SLC45A3: variants seen among roughly 807,000 people sequenced by gnomAD.
SLC45A3 encodes the protein prostate cancer associated protein 2.
In SLC45A3, 17 loss-of-function variants were observed where a neutral mutation model predicts 35.3. That is an observed-to-expected ratio of 0.48 (90% CI 0.33 to 0.72). The LOEUF is 0.72. Among genes scored for constraint, SLC45A3 ranks in the 30% least tolerant of loss-of-function variants. SLC45A3 has a pLI of 0.02. For missense variants in SLC45A3, 597 were observed against 731.7 expected (o/e 0.82, Z 2.12); for synonymous variants, 288 against 334.3 (o/e 0.86, Z 1.51).
chr1:205,675,535 C>T (rs1671296615), intron 1 of SLC45A3, among the ~76,000 whole-genome samples: 1 of 152,084 alleles, frequency 6.6e-6, no homozygotes, highest in Admixed American at 6.6e-5. Flanking sequence ...CTAATCACTC[C>T]CACCCCTCCT....
Position 205,662,122 on chromosome 1 carries a change from A to G in SLC45A3, c.963T>C (p.Val321=), listed in dbSNP as rs142346669. 216 of 1,611,998 alleles carry G rather than the reference A, an allele frequency of 1.3e-4. 1 individual carries two copies. Among genetic ancestry groups the G allele is most frequent in the Non-Finnish European group, 1.7e-4 (196 of 1,178,726 alleles). Residue 321 remains valine, a synonymous_variant, in exon 4 of 5, where the codon GTT becomes GTC. Coordinates refer to ENST00000367145, the MANE Select transcript of SLC45A3 (RefSeq NM_033102.3). This position sits in a 1 kb window ranked among gnomAD's most constrained non-coding sequence, Gnocchi z 6.2. The stretch of plus-strand genomic sequence containing the variant: ...GGAACAGCCCCAGGCTGCCCATCCG[A>G]ACGCCTGCAGAGGGAGAGGGGCCAT... ...TEARRHYDEG[V]RMGSLGLFLQ... is the part of the protein sequence containing the mutation.
At chr1:205,667,728 A>C (rs1671142306) in intron 1 of SLC45A3, among the ~76,000 whole-genome samples, 1 of 151,978 alleles carries the variant, frequency 6.6e-6, no homozygotes, top group Non-Finnish European at 1.5e-5. Context: ...AATAAACCAC[A>C]GCTGTCCAGC....
chr1:205,659,166 G>C lies in SLC45A3; in HGVS notation c.*68C>G. On this transcript the variant is annotated 3_prime_UTR_variant, in exon 5 of 5. Coordinates refer to ENST00000367145, the MANE Select transcript of SLC45A3 (RefSeq NM_033102.3). The surrounding 1 kb of genome is among the most constrained non-coding windows in gnomAD (Gnocchi z 5.8). Reference sequence around the variant, plus strand: ...TGGCGGCCAGCCCGGCAGCCCCATGGGGCTAACAGGAGCGGGGAGCTGGGA... The same window carrying C: ...TGGCGGCCAGCCCGGCAGCCCCATGCGGCTAACAGGAGCGGGGAGCTGGGA... The C allele has an allele frequency of 6.6e-7, 1 of 1,511,220 alleles. No individual in the cohort carries two copies. The allele number at this position is 1,511,220 out of a possible 1,614,324, so 93.6% of individuals were successfully genotyped here. A position where few individuals can be genotyped will look rare whatever the true frequency, so the allele number is the denominator to read the frequency against.
At chr1:205,665,015 C>CA (rs1374503920) in intron 1 of SLC45A3, 129 bp from the exon 2 acceptor site, 2 of 840,124 alleles carry the variant, frequency 2.4e-6, no homozygotes, top group East Asian at 9.6e-5. Context: ...ACCGAGGTGC[C>CA]ACCCCCTTCT....
Position 205,661,853 on chromosome 1 carries a change from A to T in SLC45A3, c.1224+8T>A, listed in dbSNP as rs745948505. ...CCACCCTGACTCCACCCACTGGCCA[A>T]TGAGTACCTGCTTCTCCCGGTGGTA... On this transcript the variant is annotated splice_region_variant and intron_variant, in intron 4 of 4. Transcript: ENST00000367145. 163 of 1,606,296 alleles carry T rather than the reference A, an allele frequency of 1.0e-4. No homozygotes were observed. Among genetic ancestry groups the T allele is most frequent in the Non-Finnish European group, 3.4e-6 (4 of 1,174,196 alleles).
At chr1:205,674,269 T>TAG (rs139963187) in intron 1 of SLC45A3, among the ~76,000 whole-genome samples, 58,453 of 151,200 alleles carry the variant, frequency 0.39, 13,633 homozygotes, top group Non-Finnish European at 0.53. Context: ...GACACTTCTA[T>TAG]AACGAAAGAT....
At chr1:205,668,674 G>C (rs1265017108) in intron 1 of SLC45A3, among the ~76,000 whole-genome samples, 2 of 152,166 alleles carry the variant, frequency 1.3e-5, no homozygotes, top group African/African-American at 4.8e-5. Context: ...CGTTCACCTG[G>C]CAAGGAGTGG....
In SLC45A3 at chr1:205,659,765, C is replaced by T. The variant is rs1670987184; in HGVS notation, c.1225-94G>A. 1.7e-6 allele frequency: 2 copies of T among 1,202,608 alleles called. No homozygotes were observed. The highest frequency in any genetic ancestry group is 2.3e-6 in the Non-Finnish European group (2 of 886,518). 74.5% of individuals were successfully genotyped at this position (1,202,608 alleles called of 1,614,324 possible). A position where few individuals can be genotyped will look rare whatever the true frequency, so the allele number is the denominator to read the frequency against. On this transcript the variant is annotated intron_variant, in intron 4 of 4. Transcript: ENST00000367145. The surrounding 1 kb of genome is among the most constrained non-coding windows in gnomAD (Gnocchi z 5.8). The stretch of plus-strand genomic sequence containing the variant: ...GTGAGAACAGACCCTTGCCTCCATC[C>T]CAGGGGCAATGGGACTTCATGAGAA...
chr1:205,659,209 T>A lies in SLC45A3; in HGVS notation c.*25A>T. The stretch of plus-strand genomic sequence containing the variant: ...AGCTGGGACCCAGTGAGGCAGGCCC[T>A]CCACCCCAATGTGCTGGAAGTTTTC... On this transcript the variant is annotated 3_prime_UTR_variant, in exon 5 of 5. Transcript: ENST00000367145. The surrounding 1 kb of genome is among the most constrained non-coding windows in gnomAD (Gnocchi z 5.8). The A allele has an allele frequency of 1.3e-6, 2 of 1,579,152 alleles. No homozygotes were observed. The highest frequency in any genetic ancestry group is 1.3e-5 in the African/African-American group (1 of 74,520).
At position 205,663,340 on chromosome 1, in the gene SLC45A3, A is replaced by G. The variant is rs766979336; in HGVS notation, c.451T>C (p.Phe151Leu). Reference protein sequence around the residue: ...TPLEALLSDLFRDPDHCRQAY... With the variant: ...TPLEALLSDLLRDPDHCRQAY... ...TGGCGACAGTGGTCCGGGTCCCGGA[A>G]GAGGTCAGAGAGCAGGGCCTCCAGT... The change falls in exon 3 of 5, where the codon TTC becomes CTC. Residue 151 changes from phenylalanine to leucine, a missense_variant. Phe to Leu is a conservative substitution (Grantham distance 22, BLOSUM62 0). Around this residue, in one of 3 missense-constraint regions of SLC45A3, gnomAD observed 555 missense variants for 664.9 expected, o/e 0.83. Transcript: ENST00000367145. 1.7e-5 allele frequency: 28 copies of G among 1,613,274 alleles called. No individual in the cohort carries two copies. In the Admixed American group the frequency reaches 4.7e-4, roughly 27 times the overall value.
rs1196966567 is a variant in SLC45A3 at position 205,664,959 on chromosome 1, AATTGTCTGG to A, written c.-230-82_-230-74del. 5.7e-6 allele frequency: 7 copies of A among 1,220,660 alleles called. No individual in the cohort carries two copies. Among genetic ancestry groups the A allele is most frequent in the Non-Finnish European group, 1.0e-6 (1 of 975,642 alleles). The allele number at this position is 1,220,660 out of a possible 1,614,324, so 75.6% of individuals were successfully genotyped here. On this transcript the variant is annotated intron_variant, in intron 1 of 4. Coordinates refer to ENST00000367145, the MANE Select transcript of SLC45A3 (RefSeq NM_033102.3). This position sits in a 1 kb window ranked among gnomAD's most constrained non-coding sequence, Gnocchi z 5.3. Reference sequence around the variant, plus strand: ...AGCCAGGTCTCCACGATTTGCTCTAAATTGTCTGGATCCTGATCATTCACAGGCTGGCGA... The same window carrying A: ...AGCCAGGTCTCCACGATTTGCTCTAAATCCTGATCATTCACAGGCTGGCGA...
Position 205,669,121 on chromosome 1 carries a change from A to G in SLC45A3, c.-230-4235T>C, listed in dbSNP as rs1671164606. Among the ~76,000 whole-genome samples, 1 of 152,164 alleles carries G rather than the reference A, an allele frequency of 6.6e-6. No homozygotes were observed. The highest frequency in any genetic ancestry group is 1.5e-5 in the Non-Finnish European group (1 of 68,024). On this transcript the variant is annotated intron_variant, in intron 1 of 4. Transcript: ENST00000367145. This position sits in a 1 kb window ranked among gnomAD's most constrained non-coding sequence, Gnocchi z 4.1. Reference sequence around the variant, plus strand: ...CAGTAGAAGCAAGGGTGAGGGCTTAAGTCCTCCTCCTCCCACGTGCTCGCC... The same window carrying G: ...CAGTAGAAGCAAGGGTGAGGGCTTAGGTCCTCCTCCTCCCACGTGCTCGCC...
At chr1:205,671,581 G>A (rs779189544) in intron 1 of SLC45A3, among the ~76,000 whole-genome samples, 19 of 152,170 alleles carry the variant, frequency 1.2e-4, no homozygotes, top group South Asian at 4.1e-4. Context: ...ACAGCAGGCC[G>A]GGCACGGTGG....
intron 1 of SLC45A3, among the ~76,000 whole-genome samples, chr1:205,667,207 A>G (rs988059205): frequency 6.6e-6 from 1 of 152,082 alleles, no homozygotes; most frequent in Non-Finnish European, 1.5e-5. Flanking sequence ...TGTTTCTACA[A>G]AAATAAAAAT....
At position 205,662,114 on chromosome 1, in the gene SLC45A3, CCCATCCGAACGCCTGCAGAGGGAGAGGGG is replaced by C. The variant is rs1392623322; in HGVS notation, c.959-17_970del. ...GCACTGCAGGAACAGCCCCAGGCTGCCCATCCGAACGCCTGCAGAGGGAGAGGGGCCATCAGACAGAGCCTGGGAGGGAA... is the reference window on the plus strand; with the variant it reads ...GCACTGCAGGAACAGCCCCAGGCTGCCCATCAGACAGAGCCTGGGAGGGAA... On this transcript the variant is annotated splice_acceptor_variant and splice_polypyrimidine_tract_variant and coding_sequence_variant and intron_variant, in exon 4 of 5. Coordinates refer to ENST00000367145, the MANE Select transcript of SLC45A3 (RefSeq NM_033102.3). LOFTEE classifies it high-confidence loss of function. The surrounding 1 kb of genome is among the most constrained non-coding windows in gnomAD (Gnocchi z 6.2). The C allele has an allele frequency of 6.2e-7, 1 of 1,612,628 alleles. No individual in the cohort carries two copies. Among genetic ancestry groups the C allele is most frequent in the South Asian group, 1.1e-5 (1 of 90,958 alleles).
chr1:205,663,550 G>T lies in SLC45A3; in HGVS notation c.241C>A (p.Arg81Ser). Residue 81 changes from arginine to serine, a missense_variant, in exon 3 of 5, where the codon CGC (arginine) becomes AGC (serine). Physicochemically the swap from Arg to Ser is moderately radical, Grantham distance 110. Coordinates refer to ENST00000367145, the MANE Select transcript of SLC45A3 (RefSeq NM_033102.3). ...ATGAAGGGCCGGCGGCGGCCATAGC[G>T]TCCACGCCAGTGGTCACTGGCTGAG... is the stretch of plus-strand genomic sequence containing the variant. ...LGSASDHWRG[R>S]YGRRRPFIWA... 6.2e-7 allele frequency: 1 copy of T among 1,612,566 alleles called. No homozygotes were observed. Among genetic ancestry groups the T allele is most frequent in the Non-Finnish European group, 8.5e-7 (1 of 1,179,942 alleles).
intron 1 of SLC45A3, among the ~76,000 whole-genome samples, chr1:205,674,602 CAAA>C (rs57508315): frequency 0.086 from 8,180 of 94,572 alleles, 155 homozygotes; most frequent in African/African-American, 0.12. Context: ...GATGCTGTTT[CAAA>C]AAAAAAAAAA....
intron 4 of SLC45A3, among the ~76,000 whole-genome samples, chr1:205,661,401 C>T (rs1671019677): frequency 6.6e-6 from 1 of 152,028 alleles, no homozygotes; most frequent in African/African-American, 2.4e-5. Flanking sequence ...AGGAGCCTGC[C>T]CCATCTCAGA....
At chr1:205,670,870 C>A (rs1021346816) in intron 1 of SLC45A3, among the ~76,000 whole-genome samples, 1 of 152,218 alleles carries the variant, frequency 6.6e-6, no homozygotes, top group African/African-American at 2.4e-5. Context: ...ATCCCAGGCC[C>A]TAGGGGGGCA....
Sources: allele counts gnomAD v4.1 joint callset (sites outside exome capture counted in the v4.1 genomes callset), GRCh38; gene constraint gnomAD v4.1.1; regional missense constraint gnomAD v4.1.1; non-coding constraint Gnocchi (gnomAD v3.1); transcripts MANE v1.5; gene names NCBI Gene and HGNC (gene_info 2026-07-23, HGNC 2026-07-21).